Variants in PPARGC1A observed in about 807,000 individuals in gnomAD.
PPARGC1A encodes the protein peroxisome proliferator-activated receptor gamma coactivator 1-alpha.
PPARGC1A carries 25 observed loss-of-function variants against 88.7 expected under a neutral mutation model. That is an observed-to-expected ratio of 0.28 (90% CI 0.21 to 0.39). The LOEUF (loss-of-function observed/expected upper bound fraction) is 0.39. PPARGC1A is among the 10% of genes least tolerant of loss of function. PPARGC1A has a pLI of 1.00. For missense variants in PPARGC1A, 880 were observed against 968.7 expected, an observed-to-expected ratio of 0.91 and a Z score of 1.22; for synonymous variants, 363 against 355.6, an observed-to-expected ratio of 1.02 and a Z score of -0.24.
At chr4:23,987,238 C>A in the PPARGC1A span, among the ~76,000 whole-genome samples, 1 of 152,008 alleles carries the variant, frequency 6.6e-6, no homozygotes, top group Non-Finnish European at 1.5e-5. Context: ...GGAAGCCCTG[C>A]ATTTCAGACA....
At chr4:24,119,188 A>G in the PPARGC1A span, among the ~76,000 whole-genome samples, 32 of 152,288 alleles carry the variant, frequency 2.1e-4, 1 homozygote, top group African/African-American at 5.5e-4. Context: ...CAAAATGAAG[A>G]TGAGACAGGG....
the PPARGC1A span, among the ~76,000 whole-genome samples, chr4:24,243,764 T>C: frequency 6.6e-6 from 1 of 152,202 alleles, no homozygotes; most frequent in African/African-American, 2.4e-5. Flanking sequence ...TTTCTAGATT[T>C]AGATACAGCT....
chr4:24,059,913 C>A, the PPARGC1A span, among the ~76,000 whole-genome samples: 1 of 152,188 alleles, frequency 6.6e-6, no homozygotes, highest in African/African-American at 2.4e-5. Flanking sequence ...ACCTGGCTCT[C>A]TGATTGCGCC....
chr4:24,306,585 T>C, the PPARGC1A span, among the ~76,000 whole-genome samples: 1 of 152,238 alleles, frequency 6.6e-6, no homozygotes, highest in Non-Finnish European at 1.5e-5. Context: ...CTTGGTGATA[T>C]ACGGCTTGAT....
chr4:24,033,731 C>A, the PPARGC1A span, among the ~76,000 whole-genome samples: 1 of 152,174 alleles, frequency 6.6e-6, no homozygotes, highest in Non-Finnish European at 1.5e-5. Flanking sequence ...CATGTACAGG[C>A]ATACAAAAGC....
At chr4:24,002,099 G>T in the PPARGC1A span, among the ~76,000 whole-genome samples, 4 of 117,862 alleles carry the variant, frequency 3.4e-5, no homozygotes, top group African/African-American at 1.8e-4. Context: ...CACACACACA[G>T]AGAGAGAGAG....
At chr4:23,912,740 C>T in the PPARGC1A span, among the ~76,000 whole-genome samples, 1 of 151,898 alleles carries the variant, frequency 6.6e-6, no homozygotes, top group African/African-American at 2.4e-5. Context: ...AGTTTCCAGC[C>T]TGCCCTACCA....
the PPARGC1A span, among the ~76,000 whole-genome samples, chr4:24,033,400 TAGAC>T: frequency 4.8e-5 from 5 of 105,164 alleles, no homozygotes; most frequent in Non-Finnish European, 5.4e-5. Flanking sequence ...TACATAGATG[TAGAC>T]AGACAGACAC....
the PPARGC1A span, among the ~76,000 whole-genome samples, chr4:24,144,730 G>T: frequency 1.3e-5 from 2 of 151,650 alleles, no homozygotes; most frequent in Non-Finnish European, 2.9e-5. Flanking sequence ...GTCCTCCTTT[G>T]CACCTTCATT....
At chr4:24,042,159 T>C in the PPARGC1A span, among the ~76,000 whole-genome samples, 17 of 152,322 alleles carry the variant, frequency 1.1e-4, no homozygotes, top group South Asian at 3.3e-3. Context: ...AGAGATTTCT[T>C]AAAGTTCTAC....
chr4:24,227,320 C>T, the PPARGC1A span, among the ~76,000 whole-genome samples: 6 of 152,280 alleles, frequency 3.9e-5, no homozygotes, highest in East Asian at 1.2e-3. Flanking sequence ...CTCTTGAGCT[C>T]AGGCAATTTG....
the PPARGC1A span, among the ~76,000 whole-genome samples, chr4:24,014,304 G>A: frequency 6.6e-6 from 1 of 152,168 alleles, no homozygotes; most frequent in African/African-American, 2.4e-5. Flanking sequence ...TATTGGTGGA[G>A]GTGGATGGAG....
the PPARGC1A span, among the ~76,000 whole-genome samples, chr4:24,087,752 CTG>C: frequency 6.6e-6 from 1 of 152,330 alleles, no homozygotes; most frequent in East Asian, 1.9e-4. Flanking sequence ...GGGGCATTAA[CTG>C]TGCTACAGCT....
chr4:23,792,994 ATAAG>A lies in PPARGC1A; in HGVS notation c.*2824_*2827del, dbSNP rs1292663693. On this transcript the variant is annotated 3_prime_UTR_variant, in exon 13 of 13. Transcript: ENST00000264867. Reference sequence around the variant, plus strand: ...ATGATATCTGTAGTGCTGTCTTTTGATAAGTAAGAAAAGAAACCAAGTATTCCAC... The same window carrying A: ...ATGATATCTGTAGTGCTGTCTTTTGATAAGAAAAGAAACCAAGTATTCCAC... 1 of 152,448 alleles carries A rather than the reference ATAAG, an allele frequency of 6.6e-6. No individual in the cohort carries two copies. The highest frequency in any genetic ancestry group is 1.5e-5 in the Non-Finnish European group (1 of 67,998). The allele number at this position is 152,448 out of a possible 1,614,324, so 9.4% of individuals were successfully genotyped here.
chr4:23,965,761 C>T, the PPARGC1A span, among the ~76,000 whole-genome samples: 1 of 152,284 alleles, frequency 6.6e-6, no homozygotes, highest in African/African-American at 2.4e-5. Flanking sequence ...CCAACCCACT[C>T]CTTTAACTCC....
the PPARGC1A span, among the ~76,000 whole-genome samples, chr4:24,122,768 C>G: frequency 6.6e-6 from 1 of 152,072 alleles, no homozygotes; most frequent in Non-Finnish European, 1.5e-5. Context: ...AAGGAGGTGA[C>G]TGAATAGGAG....
At chr4:23,909,421 G>A in the PPARGC1A span, among the ~76,000 whole-genome samples, 1 of 152,266 alleles carries the variant, frequency 6.6e-6, no homozygotes, top group East Asian at 1.9e-4. Context: ...GGATGCCAAT[G>A]TACAGATATA....
the PPARGC1A span, among the ~76,000 whole-genome samples, chr4:23,972,711 T>C: frequency 6.6e-6 from 1 of 152,228 alleles, no homozygotes. Flanking sequence ...AGTCCTACAA[T>C]GGAATTATTT....
At chr4:24,328,251 G>GC in the PPARGC1A span, among the ~76,000 whole-genome samples, 262 of 130,876 alleles carry the variant, frequency 2.0e-3, 1 homozygote, top group Middle Eastern at 7.4e-3. Flanking sequence ...GAAATTAGCA[G>GC]CCCCCCCCCC....
Sources: allele counts gnomAD v4.1 joint callset (sites outside exome capture counted in the v4.1 genomes callset), GRCh38; gene constraint gnomAD v4.1.1; transcripts MANE v1.5; gene names NCBI Gene and HGNC (gene_info 2026-07-23, HGNC 2026-07-21).